The following YARS1 variants were observed in gnomAD, a reference collection of about 807,000 sequenced individuals.
YARS1 encodes the protein tyrosyl-tRNA synthetase 1.
In YARS1, 36 loss-of-function variants were observed where a neutral mutation model predicts 62.2. The observed-to-expected ratio is 0.58, with a 90% CI of 0.44 to 0.76. YARS1 has a LOEUF of 0.76. Among genes scored for constraint, YARS1 ranks in the 30% least tolerant of loss-of-function variants. The pLI is 0.00. For missense variants in YARS1, 524 were observed against 639.8 expected (o/e 0.82, Z 1.95); for synonymous variants, 234 against 244.9 (o/e 0.96, Z 0.42).
chr1:32,790,513 C>CAAAAAAA (rs35718370), intron 6 of YARS1: 12 of 65,560 alleles, frequency 1.8e-4, no homozygotes, highest in East Asian at 5.2e-4. Context: ...GACTCCATCT[C>CAAAAAAA]AAAAAAAAAA....
At chr1:32,786,274 A>C in intron 8 of YARS1, 88 bp downstream of exon 8, 1 of 1,329,278 alleles carries the variant, frequency 7.5e-7, no homozygotes, top group Non-Finnish European at 1.1e-6. Flanking sequence ...TTTACACAGA[A>C]CAAGTTGTTC....
chr1:32,802,978 ATTTTT>A (rs34189200), intron 4 of YARS1, among the ~76,000 whole-genome samples: 2 of 89,410 alleles, frequency 2.2e-5, no homozygotes. Context: ...ACGCCTGGCT[ATTTTT>A]TTTTTTTTTT....
At chr1:32,777,090 C>T (rs1258792188) in intron 12 of YARS1, among the ~76,000 whole-genome samples, 1 of 150,918 alleles carries the variant, frequency 6.6e-6, no homozygotes, top group South Asian at 2.1e-4. Flanking sequence ...AGTGCAATAG[C>T]GTGATCTTGG....
At position 32,786,451 on chromosome 1, in the gene YARS1, T is replaced by C; in HGVS notation, c.821-4A>G. Reference sequence around the variant, plus strand: ...TCATCTCGTAGGATCACAAACTCTATAAGGAAAAGGATCCATGTCAACAAA... The same window carrying C: ...TCATCTCGTAGGATCACAAACTCTACAAGGAAAAGGATCCATGTCAACAAA... On this transcript the variant is annotated splice_polypyrimidine_tract_variant and splice_region_variant and intron_variant, in intron 7 of 12. Coordinates refer to ENST00000373477, the MANE Select transcript of YARS1 (RefSeq NM_003680.4). The C allele has an allele frequency of 6.2e-7, 1 of 1,613,120 alleles. No homozygotes were observed. The highest frequency in any genetic ancestry group is 1.3e-5 in the African/African-American group (1 of 75,012).
intron 1 of YARS1, among the ~76,000 whole-genome samples, chr1:32,814,495 T>C (rs1233419962): frequency 6.6e-6 from 1 of 152,186 alleles, no homozygotes; most frequent in East Asian, 1.9e-4. Flanking sequence ...GTTCAAACGA[T>C]TCTCCTGCTT....
intron 6 of YARS1, among the ~76,000 whole-genome samples, chr1:32,788,443 A>T (rs902601807): frequency 2.6e-5 from 4 of 151,352 alleles, no homozygotes; most frequent in Admixed American, 6.6e-5. Flanking sequence ...TTATTTATTT[A>T]TTTTTTGAGA....
intron 5 of YARS1, among the ~76,000 whole-genome samples, chr1:32,795,762 T>C (rs1412282889): frequency 1.4e-5 from 2 of 147,590 alleles, no homozygotes; most frequent in Non-Finnish European, 3.0e-5. Flanking sequence ...GCCAAGATTG[T>C]GCCACTGCAC....
In YARS1 at chr1:32,775,932, G is replaced by A; in HGVS notation, c.*49C>T. 6.8e-7 allele frequency: 1 copy of A among 1,474,494 alleles called. No homozygotes were observed. Among genetic ancestry groups the A allele is most frequent in the South Asian group, 1.1e-5 (1 of 88,018 alleles). The allele number at this position is 1,474,494 out of a possible 1,614,324, so 91.3% of individuals were successfully genotyped here. On this transcript the variant is annotated 3_prime_UTR_variant, in exon 13 of 13. Transcript: ENST00000373477. ...GGTGATGGATGGAGCAGACTGAAGAGACAGCAGATGACTCAGTGGTGGAAG... is the reference window on the plus strand; with the variant it reads ...GGTGATGGATGGAGCAGACTGAAGAAACAGCAGATGACTCAGTGGTGGAAG...
chr1:32,779,325 T>C, intron 12 of YARS1, 57 bp downstream of exon 12: 1 of 1,613,832 alleles, frequency 6.2e-7, no homozygotes. Context: ...AACAGGACAG[T>C]CTGGGGACAC....
intron 1 of YARS1, among the ~76,000 whole-genome samples, chr1:32,815,707 C>T (rs555557294): frequency 6.6e-6 from 1 of 152,220 alleles, no homozygotes; most frequent in Admixed American, 6.5e-5. Flanking sequence ...CAGGAAATGC[C>T]CAGAATACGC....
intron 12 of YARS1, 135 bp downstream of exon 12, chr1:32,779,247 A>G: frequency 6.9e-7 from 1 of 1,451,598 alleles, no homozygotes; most frequent in South Asian, 1.2e-5. Flanking sequence ...AAAGGTCTGG[A>G]AAGAAGGAGG....
chr1:32,780,323 G>C, intron 10 of YARS1, 45 bp from the exon 11 acceptor site: 1 of 1,610,294 alleles, frequency 6.2e-7, no homozygotes, highest in Non-Finnish European at 8.5e-7. Context: ...TCGTCCATTA[G>C]AGAAGCAGCC....
At chr1:32,805,593 C>T (rs1638441597) in intron 4 of YARS1, among the ~76,000 whole-genome samples, 1 of 152,136 alleles carries the variant, frequency 6.6e-6, no homozygotes. Flanking sequence ...TGCAAGAGGC[C>T]GAGCTTTCCG....
Position 32,817,256 on chromosome 1 carries a change from C to G in YARS1, c.-12G>C. 1 of 1,613,928 alleles carries G rather than the reference C, an allele frequency of 6.2e-7. No individual in the cohort carries two copies. The highest frequency in any genetic ancestry group is 1.7e-5 in the Admixed American group (1 of 60,032). ...GGAGCGTCCCCCATGGCTCCGCTAC[C>G]CCTGCTTCCCCCGCTCAGCCCGGCA... On this transcript the variant is annotated 5_prime_UTR_variant, in exon 1 of 13. Coordinates refer to ENST00000373477, the MANE Select transcript of YARS1 (RefSeq NM_003680.4).
intron 4 of YARS1, among the ~76,000 whole-genome samples, chr1:32,801,766 T>C (rs1383432177): frequency 6.6e-6 from 1 of 152,200 alleles, no homozygotes; most frequent in Non-Finnish European, 1.5e-5. Flanking sequence ...CAAAATCTTT[T>C]GTTGCCATTT....
At chr1:32,788,591 C>T (rs1653313993) in intron 6 of YARS1, among the ~76,000 whole-genome samples, 1 of 151,910 alleles carries the variant, frequency 6.6e-6, no homozygotes, top group South Asian at 2.1e-4. Flanking sequence ...ACCACCAAGC[C>T]CAGCTAATTT....
intron 12 of YARS1, among the ~76,000 whole-genome samples, chr1:32,777,841 C>T (rs192619945): frequency 4.0e-4 from 61 of 152,146 alleles, no homozygotes; most frequent in Non-Finnish European, 5.6e-4. Context: ...AAACCATAAA[C>T]GTATTATCAC....
intron 1 of YARS1, chr1:32,816,847 C>T (rs1028563985): frequency 3.3e-5 from 16 of 477,910 alleles, no homozygotes; most frequent in African/African-American, 2.3e-4. Context: ...AACGTCTGAT[C>T]CCCTTCAGAC....
chr1:32,780,361 G>GTGGATGCTCCTTTC, intron 10 of YARS1, 83 bp from the exon 11 acceptor site: 1 of 1,532,096 alleles, frequency 6.5e-7, no homozygotes, highest in Non-Finnish European at 9.0e-7. Context: ...CCGGAAAGGA[G>GTGGATGCTCCTTTC]CATCCACTCC....
Sources: gnomAD v4.1 joint callset for allele counts (sites outside exome capture counted in the v4.1 genomes callset) on GRCh38, gnomAD v4.1.1 for gene constraint, MANE v1.5 for transcripts, NCBI Gene and HGNC (gene_info 2026-07-23, HGNC 2026-07-21) for gene names.